The following AFG2A variants were observed in gnomAD, a reference collection of about 807,000 sequenced individuals.
AFG2A encodes AAA ATPase AFG2A, also known as ATPase family gene 2 protein homolog A.
the AFG2A span, among the ~76,000 whole-genome samples, chr4:123,162,720 C>G: frequency 1.8e-3 from 272 of 152,204 alleles, 6 homozygotes; most frequent in Admixed American, 0.018. Flanking sequence ...AAGGAGTCAT[C>G]ATGGCATAGT....
the AFG2A span, chr4:122,934,330 A>G: frequency 6.8e-6 from 11 of 1,614,244 alleles, no homozygotes; most frequent in Non-Finnish European, 9.3e-6. Context: ...CCAGATCCCA[A>G]CATCAAGAAG....
chr4:123,261,565 G>A, the AFG2A span, among the ~76,000 whole-genome samples: 1 of 152,038 alleles, frequency 6.6e-6, no homozygotes, highest in Non-Finnish European at 1.5e-5. Flanking sequence ...TTATATAAGG[G>A]ACTTCAGCAT....
the AFG2A span, among the ~76,000 whole-genome samples, chr4:123,253,498 A>T: frequency 6.6e-6 from 1 of 152,024 alleles, no homozygotes; most frequent in African/African-American, 2.4e-5. Context: ...AAAAAAAAAA[A>T]AAATAGCTGG....
chr4:123,265,144 A>G, the AFG2A span, among the ~76,000 whole-genome samples: 1 of 152,080 alleles, frequency 6.6e-6, no homozygotes, highest in East Asian at 1.9e-4. Flanking sequence ...TAGAAAAGAA[A>G]ATTTTACATG....
the AFG2A span, among the ~76,000 whole-genome samples, chr4:123,298,584 A>G: frequency 0.028 from 4,297 of 152,286 alleles, 197 homozygotes; most frequent in African/African-American, 0.097. Context: ...AATTTAGTCT[A>G]CCTTGCTCAG....
the AFG2A span, among the ~76,000 whole-genome samples, chr4:123,181,220 A>G: frequency 7.9e-5 from 12 of 151,510 alleles, no homozygotes; most frequent in African/African-American, 2.2e-4. Flanking sequence ...TCCTGACCTC[A>G]TGATCCGCCC....
At chr4:123,099,038 T>G in the AFG2A span, among the ~76,000 whole-genome samples, 1 of 151,998 alleles carries the variant, frequency 6.6e-6, no homozygotes, top group African/African-American at 2.4e-5. Context: ...CTTTCATGTT[T>G]TTGACAATAG....
At chr4:122,943,767 C>T in the AFG2A span, among the ~76,000 whole-genome samples, 21 of 152,210 alleles carry the variant, frequency 1.4e-4, no homozygotes, top group Non-Finnish European at 2.8e-4. Context: ...TTTGCAGCAG[C>T]TGGTACCGGT....
the AFG2A span, among the ~76,000 whole-genome samples, chr4:122,987,206 A>T: frequency 6.6e-6 from 1 of 152,132 alleles, no homozygotes; most frequent in Non-Finnish European, 1.5e-5. Context: ...TGCAAATAGC[A>T]ATCAAAATAG....
chr4:123,260,939 CCTGAGTT>C, the AFG2A span, among the ~76,000 whole-genome samples: 1 of 152,178 alleles, frequency 6.6e-6, no homozygotes, highest in Admixed American at 6.5e-5. Context: ...AGCATTACTG[CCTGAGTT>C]CTGCCTCCTG....
At chr4:122,987,785 T>C in the AFG2A span, among the ~76,000 whole-genome samples, 1 of 152,214 alleles carries the variant, frequency 6.6e-6, no homozygotes, top group African/African-American at 2.4e-5. Context: ...CAAATTATTG[T>C]GGCTATTGCT....
At chr4:123,134,926 C>G in the AFG2A span, among the ~76,000 whole-genome samples, 6 of 151,964 alleles carry the variant, frequency 3.9e-5, no homozygotes, top group African/African-American at 1.2e-4. Flanking sequence ...CAGAATCACC[C>G]TCTTACCAAA....
the AFG2A span, among the ~76,000 whole-genome samples, chr4:123,184,777 C>A: frequency 6.4e-4 from 97 of 151,866 alleles, no homozygotes; most frequent in Non-Finnish European, 1.2e-3. Flanking sequence ...ACCTCGTGAT[C>A]CGCCCGCCTA....
the AFG2A span, among the ~76,000 whole-genome samples, chr4:123,298,398 G>A: frequency 8.5e-5 from 13 of 152,152 alleles, no homozygotes; most frequent in Non-Finnish European, 1.6e-4. Context: ...CAGCTGGTCC[G>A]CTGAGGCCCA....
the AFG2A span, among the ~76,000 whole-genome samples, chr4:123,189,344 G>A: frequency 9.9e-5 from 15 of 152,134 alleles, no homozygotes; most frequent in African/African-American, 3.6e-4. Context: ...GTGGAGACCT[G>A]GGATGTACAC....
At chr4:122,924,761 A>G in the AFG2A span, among the ~76,000 whole-genome samples, 3,107 of 152,098 alleles carry the variant, frequency 0.02, 52 homozygotes, top group Middle Eastern at 0.037. Context: ...CTTTTAGCCA[A>G]ATGCTTCTCA....
At chr4:123,178,130 A>C in the AFG2A span, among the ~76,000 whole-genome samples, 1 of 152,268 alleles carries the variant, frequency 6.6e-6, no homozygotes, top group African/African-American at 2.4e-5. Flanking sequence ...TTTTTGAAAT[A>C]GATTTAGAGG....
the AFG2A span, among the ~76,000 whole-genome samples, chr4:123,109,184 A>G: frequency 6.6e-6 from 1 of 152,290 alleles, no homozygotes; most frequent in South Asian, 2.1e-4. Flanking sequence ...TGCTTGTTAG[A>G]CAATTAGAAT....
chr4:123,304,925 C>T, the AFG2A span, among the ~76,000 whole-genome samples: 1 of 152,194 alleles, frequency 6.6e-6, no homozygotes, highest in Non-Finnish European at 1.5e-5. Context: ...CTCACTCACA[C>T]AAGAAATTGC....
Sources: allele counts gnomAD v4.1 joint callset (sites outside exome capture counted in the v4.1 genomes callset), GRCh38; gene constraint gnomAD v4.1.1; transcripts MANE v1.5; gene names NCBI Gene and HGNC (gene_info 2026-07-23, HGNC 2026-07-21).